The following RAB33B variants were observed in gnomAD, a reference collection of about 807,000 sequenced individuals.
The protein encoded by RAB33B is RAB33B, member RAS oncogene family.
Under a neutral mutation model 15.0 loss-of-function variants are expected in RAB33B, and 6 were observed. That is an observed-to-expected ratio of 0.40 (90% CI 0.22 to 0.79). The LOEUF (loss-of-function observed/expected upper bound fraction) is 0.79. Ranked by LOEUF, RAB33B falls within the 30% of genes least tolerant of loss-of-function variation. RAB33B has a pLI of 0.37. For missense variants in RAB33B, 257 were observed against 296.4 expected, an observed-to-expected ratio of 0.87 and a Z score of 0.98; for synonymous variants, 117 against 108.3, an observed-to-expected ratio of 1.08 and a Z score of -0.50.
chr4:139,440,469 C>T, the RAB33B span, among the ~76,000 whole-genome samples: 2 of 152,102 alleles, frequency 1.3e-5, no homozygotes, highest in Non-Finnish European at 2.9e-5. Flanking sequence ...ACAGATCTAA[C>T]GTTTTGAGGA....
chr4:139,440,077 T>G, the RAB33B span, among the ~76,000 whole-genome samples: 1 of 152,218 alleles, frequency 6.6e-6, no homozygotes, highest in African/African-American at 2.4e-5. Context: ...GAAATCAGAT[T>G]CTTCCTCTTC....
At chr4:139,465,206 C>T (rs1750259280) in intron 1 of RAB33B, among the ~76,000 whole-genome samples, 1 of 152,186 alleles carries the variant, frequency 6.6e-6, no homozygotes, top group Non-Finnish European at 1.5e-5. Context: ...AGTGTCTGTT[C>T]ATGTCCTTTG....
Position 139,473,146 on chromosome 4 carries a change from T to C in RAB33B, c.*20T>C. The C allele has an allele frequency of 6.5e-7, 1 of 1,542,834 alleles. No individual in the cohort carries two copies. Among genetic ancestry groups the C allele is most frequent in the Non-Finnish European group, 8.7e-7 (1 of 1,145,766 alleles). ...TGCTAAATAACAGTCTTTATTATAT[T>C]ATCTAATTTTGACTAAAGAAATACT... On this transcript the variant is annotated 3_prime_UTR_variant, in exon 2 of 2. Transcript: ENST00000305626.
At chr4:139,462,766 G>A (rs912096268) in intron 1 of RAB33B, among the ~76,000 whole-genome samples, 1 of 152,168 alleles carries the variant, frequency 6.6e-6, no homozygotes, top group African/African-American at 2.4e-5. Context: ...GCCATTTCAT[G>A]TATTGGTCTG....
intron 1 of RAB33B, among the ~76,000 whole-genome samples, chr4:139,462,024 ATAG>A (rs1384256314): frequency 1.3e-5 from 2 of 151,572 alleles, no homozygotes; most frequent in African/African-American, 4.8e-5. Context: ...CTAAATACTA[ATAG>A]TAGATTCTTG....
Position 139,473,679 on chromosome 4 carries a change from CCTTT to C in RAB33B, c.*558_*561del, listed in dbSNP as rs1750441494. The C allele has an allele frequency of 6.6e-6, 1 of 152,146 alleles. No homozygotes were observed. Among genetic ancestry groups the C allele is most frequent in the Admixed American group, 6.5e-5 (1 of 15,282 alleles). The allele number at this position is 152,146 out of a possible 1,614,324, so 9.4% of individuals were successfully genotyped here. A position where few individuals can be genotyped will look rare whatever the true frequency, so the allele number is the denominator to read the frequency against. On this transcript the variant is annotated 3_prime_UTR_variant, in exon 2 of 2. Transcript: ENST00000305626. ...TGTAGGTACTCACCACTGCATCTGG[CCTTT>C]CTTTGTTTTATTAACATATTTAGTT...
the RAB33B span, among the ~76,000 whole-genome samples, chr4:139,446,995 C>G: frequency 2.0e-5 from 3 of 152,178 alleles, no homozygotes; most frequent in South Asian, 6.2e-4. Context: ...AACACTTATT[C>G]CAGATATCGG....
At chr4:139,450,032 C>G (rs572183869), upstream of RAB33B, 4 of 152,130 alleles carry the variant, frequency 2.6e-5, no homozygotes, top group Middle Eastern at 3.2e-3. Flanking sequence ...CTGTTTTATC[C>G]AGGTGTTCAC....
rs747166019 is a variant in RAB33B, at chr4:139,472,672, C to A, written c.250-14C>A. On this transcript the variant is annotated splice_polypyrimidine_tract_variant and intron_variant, in intron 1 of 1. Coordinates refer to ENST00000305626, the MANE Select transcript of RAB33B (RefSeq NM_031296.3). ...TGGGATTTTCAGTTTTCCTCTTTTTCTTCCCATTTTTAGATCCAGCTATGG... is the reference window on the plus strand; with the variant it reads ...TGGGATTTTCAGTTTTCCTCTTTTTATTCCCATTTTTAGATCCAGCTATGG... 1.3e-5 allele frequency: 21 copies of A among 1,559,122 alleles called. No individual in the cohort carries two copies. Among genetic ancestry groups the A allele is most frequent in the Non-Finnish European group, 1.8e-5 (21 of 1,149,918 alleles).
intron 1 of RAB33B, among the ~76,000 whole-genome samples, chr4:139,461,461 G>A (rs930475568): frequency 3.9e-5 from 6 of 152,104 alleles, no homozygotes; most frequent in African/African-American, 1.2e-4. Flanking sequence ...CTGAAGATTG[G>A]GTAATTATTA....
At chr4:139,444,356 G>A in the RAB33B span, among the ~76,000 whole-genome samples, 1 of 152,186 alleles carries the variant, frequency 6.6e-6, no homozygotes, top group Non-Finnish European at 1.5e-5. Flanking sequence ...TATTGGGATG[G>A]TGGAGTGGAT....
chr4:139,457,620 A>G (rs1750092315), intron 1 of RAB33B, among the ~76,000 whole-genome samples: 1 of 152,220 alleles, frequency 6.6e-6, no homozygotes, highest in African/African-American at 2.4e-5. Flanking sequence ...CAAATATTTA[A>G]TGAGTAATTG....
the RAB33B span, among the ~76,000 whole-genome samples, chr4:139,443,646 G>A: frequency 6.6e-6 from 1 of 152,238 alleles, no homozygotes; most frequent in Non-Finnish European, 1.5e-5. Context: ...AGCCTTGCCA[G>A]GTGTCTACTG....
rs372330119 is a variant in RAB33B, at chr4:139,464,386, GTTTTT to G, written c.250-8278_250-8274del. ...CGGGATTGATGGGAAGAGGAATACT[GTTTTT>G]TTTTTTTTTTTTTTTTTTTTTATAC... On this transcript the variant is annotated intron_variant, in intron 1 of 1. Transcript: ENST00000305626. 2.6e-3 allele frequency among the ~76,000 whole-genome samples: 263 copies of G among 101,780 alleles called. 1 individual carries two copies. The highest frequency in any genetic ancestry group is 7.6e-3 in the African/African-American group (219 of 28,652). 66.8% of individuals were successfully genotyped at this position (101,780 alleles called of 152,430 possible).
chr4:139,465,602 A>C (rs147071659), intron 1 of RAB33B, among the ~76,000 whole-genome samples: 54 of 152,294 alleles, frequency 3.5e-4, no homozygotes, highest in African/African-American at 1.3e-3. Context: ...TCAGCTTTCT[A>C]CATATGGCTG....
upstream of RAB33B, chr4:139,453,495 C>T (rs969236725): frequency 6.6e-6 from 1 of 152,432 alleles, no homozygotes; most frequent in Non-Finnish European, 1.5e-5. Context: ...TCGGCGAGGA[C>T]TCGCGTCCCA....
intron 1 of RAB33B, among the ~76,000 whole-genome samples, chr4:139,457,092 G>T (rs1750083936): frequency 6.6e-6 from 1 of 152,150 alleles, no homozygotes; most frequent in Admixed American, 6.5e-5. Flanking sequence ...TGCGTTAAAT[G>T]TTTTGATAAT....
At chr4:139,450,874 G>T (rs1749904175), upstream of RAB33B, 1 of 150,352 alleles carries the variant, frequency 6.7e-6, no homozygotes, top group Admixed American at 6.6e-5. Flanking sequence ...TTGTATATAA[G>T]ATTATCCTTA....
chr4:139,465,874 T>G (rs1750275172), intron 1 of RAB33B, among the ~76,000 whole-genome samples: 1 of 151,696 alleles, frequency 6.6e-6, no homozygotes, highest in Non-Finnish European at 1.5e-5. Context: ...GAAGCACAGG[T>G]GCATGCCACC....
Sources: gnomAD v4.1 joint callset for allele counts (sites outside exome capture counted in the v4.1 genomes callset) on GRCh38, gnomAD v4.1.1 for gene constraint, MANE v1.5 for transcripts, NCBI Gene and HGNC (gene_info 2026-07-23, HGNC 2026-07-21) for gene names.